BORCS5: variants seen among roughly 807,000 people sequenced by gnomAD.
The protein encoded by BORCS5 is BLOC-1 related complex subunit 5.
A neutral mutation model predicts 22.1 loss-of-function variants in BORCS5; 17 were observed. That is an observed-to-expected ratio of 0.77 (90% CI 0.53 to 1.15). The LOEUF (loss-of-function observed/expected upper bound fraction) is 1.15. BORCS5 is among the 50% of genes most tolerant of loss of function. The pLI, the probability that BORCS5 is intolerant of heterozygous loss-of-function variation, is 0.00. For synonymous variants in BORCS5, 117 were observed against 99.8 expected (o/e 1.17, Z -1.03); for missense variants, 247 against 253.2 (o/e 0.98, Z 0.17).
At chr12:12,441,862 A>G (rs1224940949) in intron 3 of BORCS5, among the ~76,000 whole-genome samples, 2 of 152,316 alleles carry the variant, frequency 1.3e-5, no homozygotes, top group Non-Finnish European at 2.9e-5. Flanking sequence ...TGCCTGGGGA[A>G]CATGGGTCTT....
intron 2 of BORCS5, among the ~76,000 whole-genome samples, chr12:12,377,410 C>A (rs1410031881): frequency 1.3e-5 from 2 of 151,984 alleles, no homozygotes; most frequent in South Asian, 2.1e-4. Context: ...AACTCCTGAC[C>A]TCAGGTGGTC....
rs533056274 is a variant in BORCS5, at chr12:12,469,930, G to T, written c.*4154G>T. Among the ~76,000 whole-genome samples, 25 of 152,250 alleles carry T rather than the reference G, an allele frequency of 1.6e-4. No homozygotes were observed. The highest frequency in any genetic ancestry group is 4.6e-4 in the African/African-American group (19 of 41,550). ...AGAACTATATAGTGCCTCTGAGGAG[G>T]TGGCATTATTGTTCACTAACTTACC... is the stretch of plus-strand genomic sequence containing the variant. On this transcript the variant is annotated 3_prime_UTR_variant, in exon 4 of 4. Coordinates refer to ENST00000314565, the MANE Select transcript of BORCS5 (RefSeq NM_058169.6).
intron 2 of BORCS5, among the ~76,000 whole-genome samples, chr12:12,402,675 C>CT (rs1941505168): frequency 6.6e-6 from 1 of 152,304 alleles, no homozygotes; most frequent in African/African-American, 2.4e-5. Context: ...TTGAGTTCCC[C>CT]TTTTTCCCAT....
intron 2 of BORCS5, among the ~76,000 whole-genome samples, chr12:12,422,287 ATT>A (rs71061064): frequency 3.4e-5 from 5 of 147,848 alleles, no homozygotes; most frequent in Non-Finnish European, 3.0e-5. Context: ...CTTTTCTTTT[ATT>A]TTTTTTTTTA....
intron 3 of BORCS5, among the ~76,000 whole-genome samples, chr12:12,451,936 A>AT (rs1440530998): frequency 1.3e-5 from 2 of 151,662 alleles, no homozygotes; most frequent in Non-Finnish European, 2.9e-5. Context: ...AATTAAAAAA[A>AT]AAAAAAAAAG....
chr12:12,444,760 TA>T (rs905437570), intron 3 of BORCS5, among the ~76,000 whole-genome samples: 5 of 151,422 alleles, frequency 3.3e-5, no homozygotes, highest in South Asian at 2.1e-4. Flanking sequence ...AACAATAAGT[TA>T]AAAAAAAATC....
intron 2 of BORCS5, among the ~76,000 whole-genome samples, chr12:12,393,080 A>T (rs1324086106): frequency 1.3e-5 from 2 of 152,008 alleles, no homozygotes; most frequent in Non-Finnish European, 2.9e-5. Context: ...CAAAAAATAC[A>T]AAAAAATTAG....
chr12:12,425,820 G>A (rs192682055), intron 2 of BORCS5, among the ~76,000 whole-genome samples: 4 of 152,284 alleles, frequency 2.6e-5, no homozygotes, highest in Admixed American at 2.6e-4. Flanking sequence ...ATAGTAGTGT[G>A]TGCCTGGTAA....
chr12:12,414,677 G>A (rs1241553295), intron 2 of BORCS5, among the ~76,000 whole-genome samples: 24 of 90,336 alleles, frequency 2.7e-4, no homozygotes, highest in Middle Eastern at 5.7e-3. Flanking sequence ...GCGGCTGGCC[G>A]GGCGGGGGGC....
rs1565915725 is a variant in BORCS5, at chr12:12,438,381, C to CAAAAAA, written c.360+2596_360+2597insAAAAAA. 1.0e-3 allele frequency among the ~76,000 whole-genome samples: 65 copies of CAAAAAA among 65,142 alleles called. 3 individuals are homozygous for CAAAAAA. The highest frequency in any genetic ancestry group is 6.3e-3 in the African/African-American group (64 of 10,152). The allele number at this position is 65,142 out of a possible 152,430, so 42.7% of individuals were successfully genotyped here. A position where few individuals can be genotyped will look rare whatever the true frequency, so the allele number is the denominator to read the frequency against. ...ATCTCAAAAAAAAAAAAAAAAAAAA[C>CAAAAAA]GAAAAACAACAACAAAAACCTCTAA... On this transcript the variant is annotated intron_variant, in intron 3 of 3. Coordinates refer to ENST00000314565, the MANE Select transcript of BORCS5 (RefSeq NM_058169.6).
At position 12,465,616 on chromosome 12, in the gene BORCS5, A is replaced by T; in HGVS notation, c.431A>T (p.Glu144Val). The T allele has an allele frequency of 6.2e-7, 1 of 1,614,270 alleles. No homozygotes were observed. The highest frequency in any genetic ancestry group is 8.5e-7 in the Non-Finnish European group (1 of 1,180,040). ...ERQKRYAKYA[E>V]QIQKVNEMSA... ...CAGAAAAGATACGCCAAGTATGCCG[A>T]GCAGATCCAGAAAGTGAACGAGATG... The change falls in exon 4 of 4, where the codon GAG (glutamate) becomes GTG (valine). Residue 144 changes from glutamate to valine, a missense_variant. Transcript: ENST00000314565.
intron 3 of BORCS5, 163 bp downstream of exon 3, chr12:12,435,948 TA>T: frequency 3.2e-6 from 2 of 629,530 alleles, no homozygotes; most frequent in East Asian, 6.2e-5. Flanking sequence ...AGAGCTGGGC[TA>T]ATTTAGAGTT....
rs1317237955 is a variant in BORCS5 at position 12,385,969 on chromosome 12, G to A, written c.202+24620G>A. On this transcript the variant is annotated intron_variant, in intron 2 of 3. Transcript: ENST00000314565. ...GAGGATATGTTGATCTCCTCATTTG[G>A]ATTTATCAAGAAGTCCCACTTGTCT... Among the ~76,000 whole-genome samples, 9 of 149,686 alleles carry A rather than the reference G, an allele frequency of 6.0e-5. 1 individual carries two copies. Among genetic ancestry groups the A allele is most frequent in the African/African-American group, 2.2e-4 (9 of 40,730 alleles).
chr12:12,425,520 C>G (rs929031089), intron 2 of BORCS5, among the ~76,000 whole-genome samples: 3 of 152,156 alleles, frequency 2.0e-5, no homozygotes, highest in Non-Finnish European at 4.4e-5. Context: ...TGTTATTTTC[C>G]ATTGTTTGGA....
Position 12,470,522 on chromosome 12 carries a change from G to A in BORCS5, c.*4746G>A, listed in dbSNP as rs921541220. On this transcript the variant is annotated 3_prime_UTR_variant, in exon 4 of 4. Transcript: ENST00000314565. ...GATCTAGGTTTTGCGCTCCTTATGA[G>A]AATCTAATGCCTGATGATCTGAGAT... 2.6e-5 allele frequency among the ~76,000 whole-genome samples: 4 copies of A among 152,134 alleles called. No individual in the cohort carries two copies. The highest frequency in any genetic ancestry group is 1.5e-5 in the Non-Finnish European group (1 of 68,028).
At chr12:12,404,666 G>A (rs10505765) in intron 2 of BORCS5, among the ~76,000 whole-genome samples, 10,712 of 152,246 alleles carry the variant, frequency 0.07, 550 homozygotes, top group East Asian at 0.23. Context: ...ATGTCCAACA[G>A]CAGTCTGTGG....
intron 2 of BORCS5, among the ~76,000 whole-genome samples, chr12:12,414,686 G>C (rs1281817055): frequency 1.1e-5 from 1 of 92,228 alleles, no homozygotes; most frequent in African/African-American, 4.8e-5. Flanking sequence ...CGGGCGGGGG[G>C]CTGACCCCCC....
At chr12:12,412,211 A>G (rs2136087287) in intron 2 of BORCS5, among the ~76,000 whole-genome samples, 1 of 152,262 alleles carries the variant, frequency 6.6e-6, no homozygotes, top group Non-Finnish European at 1.5e-5. Context: ...ACTTTTGGTA[A>G]TATTGACATC....
At chr12:12,424,298 C>T (rs1047421952) in intron 2 of BORCS5, among the ~76,000 whole-genome samples, 2 of 152,162 alleles carry the variant, frequency 1.3e-5, no homozygotes, top group Non-Finnish European at 2.9e-5. Context: ...CTCATTCTTT[C>T]TTCTGCCTGC....
Sources: gnomAD v4.1 joint callset for allele counts (sites outside exome capture counted in the v4.1 genomes callset) on GRCh38, gnomAD v4.1.1 for gene constraint, MANE v1.5 for transcripts, NCBI Gene and HGNC (gene_info 2026-07-23, HGNC 2026-07-21) for gene names.